Variants in FLT1 observed in about 807,000 individuals in gnomAD.
The protein encoded by FLT1 is fms related receptor tyrosine kinase 1.
In FLT1, 49 loss-of-function variants were observed where a neutral mutation model predicts 156.3. The observed-to-expected ratio is 0.31, with a 90% CI of 0.25 to 0.40. FLT1 has a LOEUF of 0.40. Ranked by LOEUF, FLT1 falls within the 10% of genes least tolerant of loss-of-function variation. The pLI is 1.00. For missense variants in FLT1, 1,322 were observed against 1,637.2 expected, an observed-to-expected ratio of 0.81 and a Z score of 3.32; for synonymous variants, 594 against 583.8, an observed-to-expected ratio of 1.02 and a Z score of -0.25.
chr13:28,492,426 G>T (rs962417195), intron 1 of FLT1, among the ~76,000 whole-genome samples: 1 of 152,162 alleles, frequency 6.6e-6, no homozygotes, highest in African/African-American at 2.4e-5. Context: ...CAATAGAGAG[G>T]ACTTGAAAGT....
At chr13:28,471,397 A>G (rs1292708822) in intron 1 of FLT1, among the ~76,000 whole-genome samples, 2 of 152,206 alleles carry the variant, frequency 1.3e-5, no homozygotes, top group Non-Finnish European at 2.9e-5. Context: ...TATTTCTTGA[A>G]TGTTTTGAAT....
chr13:28,446,945 T>C (rs1878648179), intron 3 of FLT1, among the ~76,000 whole-genome samples: 1 of 152,086 alleles, frequency 6.6e-6, no homozygotes. Context: ...CACAATGGAT[T>C]AGTGGAATAG....
chr13:28,344,271 G>T (rs113091242), intron 16 of FLT1, among the ~76,000 whole-genome samples: 1 of 151,882 alleles, frequency 6.6e-6, no homozygotes, highest in South Asian at 2.1e-4. Context: ...TCTCCACGCT[G>T]TAGCCCTGGC....
Position 28,322,969 on chromosome 13 carries a change from C to T in FLT1, c.2797-23G>A. The stretch of plus-strand genomic sequence containing the variant: ...ATCCTTTGAAGAGACCGAAAAGGAC[C>T]CAGGTGAAAAGGAGCTCCAGCACAG... On this transcript the variant is annotated intron_variant, in intron 20 of 29. Transcript: ENST00000282397. The surrounding 1 kb of genome is among the most constrained non-coding windows in gnomAD (Gnocchi z 4.3). The T allele has an allele frequency of 3.1e-6, 5 of 1,613,824 alleles. No individual in the cohort carries two copies. The highest frequency in any genetic ancestry group is 4.2e-6 in the Non-Finnish European group (5 of 1,179,858).
chr13:28,319,830 G>A (rs1236563276), intron 23 of FLT1, among the ~76,000 whole-genome samples: 1 of 152,170 alleles, frequency 6.6e-6, no homozygotes, highest in African/African-American at 2.4e-5. Flanking sequence ...AAGAAAGCCT[G>A]CACTCCACAG....
chr13:28,357,874 T>TA (rs1244678153), intron 14 of FLT1, among the ~76,000 whole-genome samples, 189 bp from the exon 15 acceptor site: 5 of 140,402 alleles, frequency 3.6e-5, no homozygotes, highest in Middle Eastern at 6.5e-3. Context: ...TTTCCTTTTT[T>TA]TTTTTTTTTT....
chr13:28,411,832 T>A (rs1876214503), intron 10 of FLT1, among the ~76,000 whole-genome samples: 2 of 152,222 alleles, frequency 1.3e-5, no homozygotes, highest in African/African-American at 2.4e-5. Context: ...AAAGCACATT[T>A]AATTTGGCAA....
chr13:28,370,828 A>G (rs945133184), intron 14 of FLT1, among the ~76,000 whole-genome samples: 2 of 152,202 alleles, frequency 1.3e-5, no homozygotes, highest in African/African-American at 2.4e-5. Flanking sequence ...GCCTATCCAC[A>G]AGGTTGGATC....
chr13:28,389,706 G>A (rs1297966655), intron 13 of FLT1, 90 bp downstream of exon 13: 1 of 1,602,624 alleles, frequency 6.2e-7, no homozygotes, highest in South Asian at 1.1e-5. Flanking sequence ...GTCCTTTAAT[G>A]TTTTACATTA....
chr13:28,306,646 A>G, intron 29 of FLT1, 32 bp downstream of exon 29: 1 of 1,471,258 alleles, frequency 6.8e-7, no homozygotes, highest in East Asian at 2.3e-5. Context: ...CCCCTCCATC[A>G]ACTGATCACA....
chr13:28,400,227 A>G (rs1342757461), intron 11 of FLT1, among the ~76,000 whole-genome samples: 1 of 152,214 alleles, frequency 6.6e-6, no homozygotes, highest in Non-Finnish European at 1.5e-5. Context: ...GGTAACATAA[A>G]TTAAATACTA....
At chr13:28,318,997 C>T (rs757704457) in intron 24 of FLT1, among the ~76,000 whole-genome samples, 8 of 152,308 alleles carry the variant, frequency 5.3e-5, no homozygotes, top group East Asian at 1.9e-4. Context: ...ACACCTTCCT[C>T]GCTGGGGCAG....
intron 1 of FLT1, among the ~76,000 whole-genome samples, chr13:28,473,636 C>A (rs1880302288): frequency 1.6e-5 from 2 of 128,138 alleles, no homozygotes; most frequent in Admixed American, 1.7e-4. Context: ...CAGAGCAAGA[C>A]TATATCTCAA....
chr13:28,307,013 C>T (rs1870779395), intron 28 of FLT1, among the ~76,000 whole-genome samples: 1 of 152,076 alleles, frequency 6.6e-6, no homozygotes, highest in Non-Finnish European at 1.5e-5. Context: ...TACATTTAGG[C>T]AAAAGGGGAA....
At chr13:28,433,735 A>AT (rs1877843584) in intron 6 of FLT1, 84 bp downstream of exon 6, 2 of 1,354,274 alleles carry the variant, frequency 1.5e-6, no homozygotes, top group South Asian at 1.2e-5. Flanking sequence ...GGATTTTCTG[A>AT]TTTTTCCCAT....
At chr13:28,341,382 G>T (rs368699018) in intron 16 of FLT1, among the ~76,000 whole-genome samples, 1 of 152,212 alleles carries the variant, frequency 6.6e-6, no homozygotes, top group East Asian at 1.9e-4. Flanking sequence ...AGGCATGGGG[G>T]CTGAATACCT....
rs369815871 is a variant in FLT1 at position 28,390,404 on chromosome 13, C to CT, written c.1661-301dup. Among the ~76,000 whole-genome samples the CT allele has an allele frequency of 1.4e-4, 21 of 151,132 alleles. 1 individual carries two copies. Among genetic ancestry groups the CT allele is most frequent in the Admixed American group, 5.3e-4 (8 of 15,152 alleles). ...CAACTTGGTTGTTAACTTTATTTCC[C>CT]TTTTTTTTTGAATCAGGGTCTTGCT... On this transcript the variant is annotated intron_variant, in intron 12 of 29. Coordinates refer to ENST00000282397, the MANE Select transcript of FLT1 (RefSeq NM_002019.4).
At chr13:28,466,724 C>G (rs1164417847) in intron 3 of FLT1, 179 bp downstream of exon 3, 1 of 689,790 alleles carries the variant, frequency 1.4e-6, no homozygotes, top group Non-Finnish European at 2.6e-6. Context: ...ACTAACTGGG[C>G]CTTGACAATT....
At chr13:28,487,953 A>G (rs1299313681) in intron 1 of FLT1, among the ~76,000 whole-genome samples, 4 of 151,812 alleles carry the variant, frequency 2.6e-5, no homozygotes, top group Non-Finnish European at 4.4e-5. Flanking sequence ...GCCAAGTACA[A>G]GATTTTGTAA....
Sources: gnomAD v4.1 joint callset for allele counts (sites outside exome capture counted in the v4.1 genomes callset) on GRCh38, gnomAD v4.1.1 for gene constraint, Gnocchi (gnomAD v3.1) non-coding constraint, MANE v1.5 for transcripts, NCBI Gene and HGNC (gene_info 2026-07-23, HGNC 2026-07-21) for gene names.